Variants in PASD1 observed in about 807,000 individuals in gnomAD.
PASD1 encodes the protein PAS domain containing repressor 1.
PASD1 carries 13 observed loss-of-function variants against 58.8 expected under a neutral mutation model. That is an observed-to-expected ratio of 0.22 (90% CI 0.14 to 0.35). The LOEUF (loss-of-function observed/expected upper bound fraction) is 0.35. Among genes scored for constraint, PASD1 ranks in the 10% least tolerant of loss-of-function variants. The pLI is 1.00. For synonymous variants in PASD1, 236 were observed against 216.7 expected (o/e 1.09, Z -0.78); for missense variants, 734 against 568.3 (o/e 1.29, Z -2.96).
At chrX:151,638,966 C>T (rs1023210949) in intron 8 of PASD1, among the ~76,000 whole-genome samples, 22 of 111,953 alleles carry the variant, frequency 2.0e-4, no homozygotes, top group Admixed American at 1.6e-3. Context: ...TGCTCAAAAA[C>T]TTTCGGTGCT....
At chrX:151,654,752 G>T (rs1161537297) in intron 9 of PASD1, among the ~76,000 whole-genome samples, 3 of 111,503 alleles carry the variant, frequency 2.7e-5, no homozygotes, top group Non-Finnish European at 3.8e-5. Flanking sequence ...ATGAGAGTAG[G>T]TTTAAGAGAA....
intron 8 of PASD1, among the ~76,000 whole-genome samples, chrX:151,646,715 T>A (rs927284792): frequency 1.8e-5 from 2 of 112,481 alleles, no homozygotes; most frequent in African/African-American, 6.5e-5. Flanking sequence ...TTAAAATAAT[T>A]TTGTCAATCC....
intron 1 of PASD1, among the ~76,000 whole-genome samples, chrX:151,570,256 A>G (rs899886576): frequency 1.3e-4 from 14 of 111,733 alleles, no homozygotes; most frequent in Middle Eastern, 4.2e-3. Flanking sequence ...CCTAATTGCT[A>G]AAGGGTTTGT....
intron 9 of PASD1, among the ~76,000 whole-genome samples, chrX:151,658,467 T>C (rs934910076): frequency 3.6e-5 from 4 of 112,299 alleles, no homozygotes; most frequent in African/African-American, 1.3e-4. Flanking sequence ...TTTGAGAATA[T>C]AAGTTTATGT....
intron 11 of PASD1, among the ~76,000 whole-genome samples, chrX:151,670,509 G>T (rs184831907): frequency 8.9e-6 from 1 of 112,151 alleles, no homozygotes; most frequent in East Asian, 2.8e-4. Flanking sequence ...GTTAAAATTA[G>T]ATTTCCAGGA....
chrX:151,669,235 T>C (rs2014431444), intron 11 of PASD1, among the ~76,000 whole-genome samples: 1 of 106,444 alleles, frequency 9.4e-6, no homozygotes, highest in South Asian at 4.1e-4. Context: ...TTGATGGTTT[T>C]CATATTATAT....
At chrX:151,663,568 G>T (rs2014336760) in intron 10 of PASD1, among the ~76,000 whole-genome samples, 1 of 112,217 alleles carries the variant, frequency 8.9e-6, no homozygotes, top group Non-Finnish European at 1.9e-5. Flanking sequence ...CTGGTTGCGG[G>T]ACTGCTGGGT....
chrX:151,663,690 G>T (rs2053524305), intron 10 of PASD1, among the ~76,000 whole-genome samples: 1 of 112,090 alleles, frequency 8.9e-6, no homozygotes, highest in Non-Finnish European at 1.9e-5. Context: ...TTTCAGGGCT[G>T]TTGAAACCAA....
At chrX:151,656,577 C>G (rs2014245230) in intron 9 of PASD1, among the ~76,000 whole-genome samples, 1 of 111,073 alleles carries the variant, frequency 9.0e-6, no homozygotes, top group Admixed American at 9.6e-5. Context: ...CCTTCACATC[C>G]CTTGTAAATT....
At position 151,671,797 on chromosome X, in the gene PASD1, T is replaced by C. The variant is rs1349957019; in HGVS notation, c.1437+18T>C. On this transcript the variant is annotated intron_variant, in intron 13 of 15. Transcript: ENST00000370357. Reference sequence around the variant, plus strand: ...TCAACCAGGTATGGAAAGGCTGTTTTAACTGTGTATCTGAAAGGGGATTTT... The same window carrying C: ...TCAACCAGGTATGGAAAGGCTGTTTCAACTGTGTATCTGAAAGGGGATTTT... 1.7e-6 allele frequency: 2 copies of C among 1,180,320 alleles called. No individual in the cohort carries two copies. Among genetic ancestry groups the C allele is most frequent in the Admixed American group, 2.2e-5 (1 of 45,745 alleles).
At chrX:151,650,266 G>A (rs959114645) in intron 9 of PASD1, among the ~76,000 whole-genome samples, 1 of 111,298 alleles carries the variant, frequency 9.0e-6, no homozygotes, top group African/African-American at 3.3e-5. Context: ...TACTGTGTGT[G>A]AAGAATCCAG....
chrX:151,674,937 A>T (rs966599191), intron 15 of PASD1, among the ~76,000 whole-genome samples: 1 of 111,989 alleles, frequency 8.9e-6, no homozygotes, highest in Non-Finnish European at 1.9e-5. Context: ...TTATTTTCAC[A>T]TATACCCCTT....
intron 10 of PASD1, among the ~76,000 whole-genome samples, chrX:151,661,077 C>T (rs2014303293): frequency 9.1e-6 from 1 of 110,351 alleles, no homozygotes; most frequent in South Asian, 3.9e-4. Context: ...ATGGCATGAA[C>T]TCGGGAGGCG....
chrX:151,639,567 C>G (rs949709978), intron 8 of PASD1, among the ~76,000 whole-genome samples: 2 of 112,229 alleles, frequency 1.8e-5, no homozygotes, highest in Non-Finnish European at 3.8e-5. Flanking sequence ...CTGAATCCTT[C>G]TCACCCCTCA....
intron 14 of PASD1, 159 bp downstream of exon 14, chrX:151,672,820 C>T (rs767742649): frequency 5.4e-5 from 47 of 865,423 alleles, no homozygotes; most frequent in Non-Finnish European, 7.1e-5. Flanking sequence ...TCTGTGGCCA[C>T]GGCCATCATC....
At chrX:151,590,780 G>A (rs1477667832) in intron 1 of PASD1, among the ~76,000 whole-genome samples, 1 of 109,745 alleles carries the variant, frequency 9.1e-6, no homozygotes, top group Non-Finnish European at 1.9e-5. Flanking sequence ...GCCCAGGCTG[G>A]GCTTGAACTC....
At chrX:151,583,262 C>CA (rs1184341725) in intron 1 of PASD1, among the ~76,000 whole-genome samples, 1 of 112,297 alleles carries the variant, frequency 8.9e-6, no homozygotes, top group Non-Finnish European at 1.9e-5. Flanking sequence ...AAATGGGGAA[C>CA]ATAATGCCTG....
At chrX:151,666,082 A>G (rs907621315) in intron 11 of PASD1, among the ~76,000 whole-genome samples, 1 of 110,018 alleles carries the variant, frequency 9.1e-6, no homozygotes, top group African/African-American at 3.3e-5. Flanking sequence ...CAACTCATCT[A>G]TGTACTTACA....
intron 9 of PASD1, among the ~76,000 whole-genome samples, chrX:151,654,532 G>A (rs2014211717): frequency 8.9e-6 from 1 of 112,131 alleles, no homozygotes; most frequent in African/African-American, 3.2e-5. Context: ...ATTAGCAAAA[G>A]AGACTTACAA....
Sources: allele counts gnomAD v4.1 joint callset (sites outside exome capture counted in the v4.1 genomes callset), GRCh38; gene constraint gnomAD v4.1.1; transcripts MANE v1.5; gene names NCBI Gene and HGNC (gene_info 2026-07-23, HGNC 2026-07-21).